The following TCF12 variants were observed in gnomAD, a reference collection of about 807,000 sequenced individuals.
TCF12 encodes DNA-binding protein HTF4.
A neutral mutation model predicts 86.0 loss-of-function variants in TCF12; 45 were observed. The observed-to-expected ratio is 0.52, with a 90% CI of 0.41 to 0.67. The LOEUF is 0.67. TCF12 is among the 30% of genes least tolerant of loss of function. The probability of loss-of-function intolerance (pLI) is 0.00; values close to 1 mark genes in which losing one functional copy is unlikely to be tolerated. For missense variants in TCF12, 881 were observed against 859.9 expected (o/e 1.02, Z -0.31); for synonymous variants, 330 against 299.6 (o/e 1.10, Z -1.05).
At chr15:56,995,256 T>TA (rs1298551551) in intron 3 of TCF12, among the ~76,000 whole-genome samples, 3 of 142,628 alleles carry the variant, frequency 2.1e-5, no homozygotes, top group Admixed American at 7.6e-5. Flanking sequence ...TTTTTTTTTT[T>TA]TTTGCTTAGG....
Position 56,932,992 on chromosome 15 carries a change from T to G in TCF12, c.148+11894T>G, listed in dbSNP as rs114388877. Among the ~76,000 whole-genome samples, 1,333 of 152,360 alleles carry G rather than the reference T, an allele frequency of 8.7e-3. 14 individuals carry two copies. Among genetic ancestry groups the G allele is most frequent in the African/African-American group, 0.027 (1,120 of 41,584 alleles). On this transcript the variant is annotated intron_variant, in intron 3 of 20. Transcript: ENST00000333725. ...CTTTATAAAAGTGTAATTCTTTTTT[T>G]GTGTGGTCTTATTGTTAAGCTGTCT...
intron 8 of TCF12, among the ~76,000 whole-genome samples, chr15:57,205,478 C>G (rs924766669): frequency 9.2e-5 from 14 of 152,174 alleles, no homozygotes; most frequent in African/African-American, 3.4e-4. Flanking sequence ...GTTCCTTGGG[C>G]AAACAGCATA....
At chr15:57,104,424 AT>A (rs1228641171) in intron 5 of TCF12, among the ~76,000 whole-genome samples, 83 of 114,954 alleles carry the variant, frequency 7.2e-4, no homozygotes, top group African/African-American at 2.3e-3. Context: ...ACAAGAATAA[AT>A]TTTTTTTTTC....
At chr15:57,242,335 G>A (rs1396909898) in intron 12 of TCF12, among the ~76,000 whole-genome samples, 1 of 152,188 alleles carries the variant, frequency 6.6e-6, no homozygotes, top group Non-Finnish European at 1.5e-5. Context: ...GAATAGGATT[G>A]TCCAAGAAGA....
At chr15:56,937,231 C>T (rs1453326746) in intron 3 of TCF12, among the ~76,000 whole-genome samples, 4 of 152,044 alleles carry the variant, frequency 2.6e-5, no homozygotes, top group Non-Finnish European at 5.9e-5. Flanking sequence ...TTTTTGGCTG[C>T]TGTTTTAAAA....
intron 4 of TCF12, among the ~76,000 whole-genome samples, chr15:57,090,485 G>C: frequency 6.6e-6 from 1 of 152,206 alleles, no homozygotes; most frequent in Non-Finnish European, 1.5e-5. Context: ...CAGAAGATTA[G>C]TGTTAAAACA....
At chr15:57,219,231 T>G (rs1166714035) in intron 8 of TCF12, 2 of 1,127,058 alleles carry the variant, frequency 1.8e-6, no homozygotes, top group Non-Finnish European at 2.2e-6. Flanking sequence ...CAGGGCATAT[T>G]TATTTAGCGC....
intron 7 of TCF12, among the ~76,000 whole-genome samples, chr15:57,195,665 C>T (rs4774250): frequency 0.38 from 57,993 of 152,042 alleles, 13,740 homozygotes; most frequent in Non-Finnish European, 0.53. Flanking sequence ...ACTTTGCAGC[C>T]TCCTGGGATA....
rs557973232 is a variant in TCF12 at position 57,184,565 on chromosome 15, A to G, written c.391-7593A>G. Reference sequence around the variant, plus strand: ...GCAGCAGGTACCTCAAAACATATCAATGAAAGTCAGTTTGGCACTGAGCAG... The same window carrying G: ...GCAGCAGGTACCTCAAAACATATCAGTGAAAGTCAGTTTGGCACTGAGCAG... On this transcript the variant is annotated intron_variant, in intron 6 of 20. Coordinates refer to ENST00000333725, the MANE Select transcript of TCF12 (RefSeq NM_207037.2). Among the ~76,000 whole-genome samples the G allele has an allele frequency of 2.6e-5, 4 of 152,322 alleles. No individual in the cohort carries two copies. The South Asian group carries it at 6.2e-4, about 24-fold the overall frequency.
At chr15:57,001,555 A>G (rs1464598998) in intron 3 of TCF12, among the ~76,000 whole-genome samples, 1 of 152,154 alleles carries the variant, frequency 6.6e-6, no homozygotes, top group Non-Finnish European at 1.5e-5. Flanking sequence ...TGCATGTTTT[A>G]GTTTCTTTTC....
At chr15:57,213,982 A>T (rs2058226136) in intron 8 of TCF12, 1 of 152,178 alleles carries the variant, frequency 6.6e-6, no homozygotes, top group Non-Finnish European at 1.5e-5. Flanking sequence ...ACCTTTAGGC[A>T]GTCCTTTGAT....
chr15:57,183,311 A>C (rs552611348), intron 6 of TCF12, among the ~76,000 whole-genome samples: 1 of 152,290 alleles, frequency 6.6e-6, no homozygotes, highest in South Asian at 2.1e-4. Context: ...TGTGCTGCTT[A>C]TGACTTTATA....
In TCF12 at chr15:57,273,242, G is replaced by GTCTA. The variant is rs1404410060; in HGVS notation, c.1959_1962dup (p.Glu655SerfsTer11). 1 of 1,614,068 alleles carries GTCTA rather than the reference G, an allele frequency of 6.2e-7. No individual in the cohort carries two copies. The highest frequency in any genetic ancestry group is 8.5e-7 in the Non-Finnish European group (1 of 1,179,982). On this transcript the variant is annotated frameshift_variant, in exon 19 of 21. Coordinates refer to ENST00000333725, the MANE Select transcript of TCF12 (RefSeq NM_207037.2). LOFTEE classifies it high-confidence loss of function. ...CATCAAGCCGTGGCAGTCATCCTTA[G>GTCTA]TCTAGAACAGCAAGTCAGAGGTAAG...
At chr15:57,092,016 C>A in intron 5 of TCF12, 125 bp downstream of exon 5, 1 of 676,996 alleles carries the variant, frequency 1.5e-6, no homozygotes, top group South Asian at 2.2e-5. Context: ...CTAGGGGCAT[C>A]TAGGGCTTTT....
rs1435553901 is a variant in TCF12 at position 57,084,731 on chromosome 15, ATAAAC to A, written c.223-7053_223-7049del. ...TTTCACAAAAGAATACTTCTTGGAAATAAACTAAAGAATATATAGAAGGCAAAGGG... is the reference window on the plus strand; with the variant it reads ...TTTCACAAAAGAATACTTCTTGGAAATAAAGAATATATAGAAGGCAAAGGG... On this transcript the variant is annotated intron_variant, in intron 4 of 20. Transcript: ENST00000333725. Among the ~76,000 whole-genome samples the A allele has an allele frequency of 3.3e-5, 5 of 152,274 alleles. No individual in the cohort carries two copies. In the South Asian group the frequency reaches 6.2e-4, roughly 19 times the overall value.
chr15:56,980,056 A>G (rs1442065620), intron 3 of TCF12, among the ~76,000 whole-genome samples: 1 of 152,150 alleles, frequency 6.6e-6, no homozygotes, highest in African/African-American at 2.4e-5. Flanking sequence ...TTGTTCATTT[A>G]TAAGTCAAGA....
At chr15:57,123,121 T>A (rs1305033422) in intron 5 of TCF12, among the ~76,000 whole-genome samples, 1 of 152,244 alleles carries the variant, frequency 6.6e-6, no homozygotes, top group East Asian at 1.9e-4. Flanking sequence ...TTTATGTGTG[T>A]TTCTTTCTTG....
In TCF12 at chr15:56,990,733, T is replaced by C. The variant is rs564175185; in HGVS notation, c.148+69635T>C. ...AAATACTGCTGAGCTTTAAAAACTT[T>C]AGCAGCTTTGACCAGAACACCTACG... On this transcript the variant is annotated intron_variant, in intron 3 of 20. Transcript: ENST00000333725. Among the ~76,000 whole-genome samples the C allele has an allele frequency of 2.6e-5, 4 of 152,306 alleles. No individual in the cohort carries two copies. The East Asian group carries it at 5.8e-4, about 22-fold the overall frequency.
intron 6 of TCF12, among the ~76,000 whole-genome samples, chr15:57,170,737 A>ATATTATATATTAT (rs1567559372): frequency 4.0e-5 from 1 of 24,846 alleles, no homozygotes; most frequent in African/African-American, 1.1e-4. Context: ...TATTATATAT[A>ATATTATATATTAT]ATATATATTA....
Sources: gnomAD v4.1 joint callset for allele counts (sites outside exome capture counted in the v4.1 genomes callset) on GRCh38, gnomAD v4.1.1 for gene constraint, MANE v1.5 for transcripts, NCBI Gene and HGNC (gene_info 2026-07-23, HGNC 2026-07-21) for gene names.